The following DOCK2 variants were observed in gnomAD, a reference collection of about 807,000 sequenced individuals.
The protein encoded by DOCK2 is dedicator of cytokinesis 2, also known as dedicator of cytokinesis protein 2.
In DOCK2, 87 loss-of-function variants were observed where a neutral mutation model predicts 248.9. That is an observed-to-expected ratio of 0.35 (90% CI 0.29 to 0.42). The LOEUF (loss-of-function observed/expected upper bound fraction) is 0.42, where lower values mean the gene tolerates loss of function less well. Among genes scored for constraint, DOCK2 ranks in the 10% least tolerant of loss-of-function variants. The pLI is 1.00. For missense variants in DOCK2, 1,747 were observed against 2,300.2 expected, an observed-to-expected ratio of 0.76 and a Z score of 4.92; for synonymous variants, 805 against 821.6, an observed-to-expected ratio of 0.98 and a Z score of 0.35.
At chr5:169,970,157 T>C (rs933643944) in intron 27 of DOCK2, among the ~76,000 whole-genome samples, 1 of 152,226 alleles carries the variant, frequency 6.6e-6, no homozygotes, top group African/African-American at 2.4e-5. Context: ...ATCAATCGTT[T>C]GGTTTTTAAT....
rs570133730 is a variant in DOCK2 at position 170,060,312 on chromosome 5, T to C, written c.4467+2646T>C. On this transcript the variant is annotated intron_variant, in intron 44 of 51. Coordinates refer to ENST00000520908, the MANE Select transcript of DOCK2 (RefSeq NM_004946.3). ...AGTTTTAATCATCTGTAAATAGGAA[T>C]TGCAAAATGATGGAACTTTAGGGAG... 3.9e-5 allele frequency among the ~76,000 whole-genome samples: 6 copies of C among 152,272 alleles called. No homozygotes were observed. In the South Asian group the frequency reaches 1.0e-3, roughly 26 times the overall value.
chr5:169,888,967 T>A (rs1018078112), intron 27 of DOCK2, among the ~76,000 whole-genome samples: 3 of 152,212 alleles, frequency 2.0e-5, no homozygotes, highest in African/African-American at 7.2e-5. Flanking sequence ...TTTGTGTCTT[T>A]AGCATTGTGC....
chr5:169,835,319 A>G (rs1425072329), intron 26 of DOCK2, among the ~76,000 whole-genome samples: 2 of 148,126 alleles, frequency 1.4e-5, no homozygotes, highest in African/African-American at 5.0e-5. Flanking sequence ...CAATAGTGCA[A>G]TCTCGACTCA....
Position 169,761,516 on chromosome 5 carries a change from C to T in DOCK2, c.2448-3C>T. ...TACCAGCTCCTATTTTTCCTGCCCT[C>T]AGCCAACTCCTGTATGAGTTCTACA... On this transcript the variant is annotated splice_polypyrimidine_tract_variant and splice_region_variant and intron_variant, in intron 24 of 51. Coordinates refer to ENST00000520908, the MANE Select transcript of DOCK2 (RefSeq NM_004946.3). The T allele has an allele frequency of 6.2e-7, 1 of 1,613,392 alleles. No individual in the cohort carries two copies. The highest frequency in any genetic ancestry group is 8.5e-7 in the Non-Finnish European group (1 of 1,179,574).
chr5:170,021,078 A>G (rs1755705823), intron 33 of DOCK2, among the ~76,000 whole-genome samples: 1 of 152,230 alleles, frequency 6.6e-6, no homozygotes, highest in African/African-American at 2.4e-5. Flanking sequence ...TCACTGTGAG[A>G]GGTAGCATTA....
intron 26 of DOCK2, among the ~76,000 whole-genome samples, chr5:169,827,700 C>T (rs1244582370): frequency 6.6e-6 from 1 of 152,086 alleles, no homozygotes; most frequent in African/African-American, 2.4e-5. Context: ...ATGAGTTCTC[C>T]CTCGCCCAAA....
chr5:170,010,444 C>A (rs1183361507), intron 32 of DOCK2, among the ~76,000 whole-genome samples: 1 of 152,140 alleles, frequency 6.6e-6, no homozygotes, highest in Non-Finnish European at 1.5e-5. Flanking sequence ...CAGCCGGCAC[C>A]TGGCCTCAGG....
At chr5:169,677,128 T>A in intron 6 of DOCK2, among the ~76,000 whole-genome samples, 1 of 152,062 alleles carries the variant, frequency 6.6e-6, no homozygotes, top group Non-Finnish European at 1.5e-5. Context: ...GACTCTAAGG[T>A]TAAGGAAACA....
chr5:169,735,940 AGGGGGGAGAG>A (rs1171217074), intron 22 of DOCK2, among the ~76,000 whole-genome samples: 12 of 149,676 alleles, frequency 8.0e-5, no homozygotes, highest in Admixed American at 7.3e-4. Context: ...ATGGCAGAGC[AGGGGGGAGAG>A]GGAGAGAGAG....
At chr5:169,826,050 A>C (rs1332612740) in intron 26 of DOCK2, among the ~76,000 whole-genome samples, 1 of 152,022 alleles carries the variant, frequency 6.6e-6, no homozygotes, top group East Asian at 1.9e-4. Context: ...AAAGTAGTTT[A>C]GACAATGTTA....
chr5:169,698,039 A>G (rs1357054292), intron 10 of DOCK2, among the ~76,000 whole-genome samples: 1 of 152,224 alleles, frequency 6.6e-6, no homozygotes, highest in Non-Finnish European at 1.5e-5. Context: ...TAGACATTCA[A>G]TACATGCATG....
chr5:169,802,746 C>T (rs1767077142), intron 25 of DOCK2, among the ~76,000 whole-genome samples: 1 of 151,960 alleles, frequency 6.6e-6, no homozygotes. Context: ...AAATGAAATG[C>T]AAAGTTAAAA....
intron 26 of DOCK2, among the ~76,000 whole-genome samples, chr5:169,809,157 A>ATT (rs1226447013): frequency 3.9e-5 from 6 of 151,940 alleles, no homozygotes; most frequent in African/African-American, 1.5e-4. Context: ...CTCCCAGCTA[A>ATT]TTTTTGTATT....
At position 169,790,292 on chromosome 5, in the gene DOCK2, T is replaced by C. The variant is rs562129807; in HGVS notation, c.2555-12766T>C. Among the ~76,000 whole-genome samples the C allele has an allele frequency of 2.0e-5, 3 of 152,338 alleles. No individual in the cohort carries two copies. In the South Asian group the frequency reaches 6.2e-4, roughly 32 times the overall value. On this transcript the variant is annotated intron_variant, in intron 25 of 51. Coordinates refer to ENST00000520908, the MANE Select transcript of DOCK2 (RefSeq NM_004946.3). Reference sequence around the variant, plus strand: ...TGGCTTTTGTTCTTTTTGGTATTTGTAAGTTTTGTGATGGGGGCAATATAG... The same window carrying C: ...TGGCTTTTGTTCTTTTTGGTATTTGCAAGTTTTGTGATGGGGGCAATATAG...
chr5:169,658,569 T>G (rs1203373933), intron 2 of DOCK2, among the ~76,000 whole-genome samples: 2 of 152,022 alleles, frequency 1.3e-5, no homozygotes, highest in African/African-American at 4.8e-5. Context: ...ATATTTTATC[T>G]TTTTATCTCT....
intron 27 of DOCK2, among the ~76,000 whole-genome samples, chr5:169,921,615 T>C (rs1006975442): frequency 6.6e-6 from 1 of 152,228 alleles, no homozygotes; most frequent in Non-Finnish European, 1.5e-5. Flanking sequence ...TTAACTTTGT[T>C]TAACCCAGTG....
At chr5:169,970,347 ATT>A (rs1450561610) in intron 27 of DOCK2, among the ~76,000 whole-genome samples, 2 of 152,236 alleles carry the variant, frequency 1.3e-5, no homozygotes, top group Non-Finnish European at 2.9e-5. Flanking sequence ...AGAAGAATGT[ATT>A]TCTCAAATAT....
intron 27 of DOCK2, among the ~76,000 whole-genome samples, chr5:169,915,842 G>A (rs141417164): frequency 6.6e-6 from 1 of 152,288 alleles, no homozygotes; most frequent in East Asian, 1.9e-4. Flanking sequence ...ATGCAGGTGT[G>A]AGATTGATGA....
At chr5:169,974,727 C>T (rs1777651255) in intron 27 of DOCK2, among the ~76,000 whole-genome samples, 1 of 152,132 alleles carries the variant, frequency 6.6e-6, no homozygotes, top group East Asian at 1.9e-4. Flanking sequence ...CTGCACAGCC[C>T]TTCCTGAGAT....
Sources: gnomAD v4.1 joint callset for allele counts (sites outside exome capture counted in the v4.1 genomes callset) on GRCh38, gnomAD v4.1.1 for gene constraint, MANE v1.5 for transcripts, NCBI Gene and HGNC (gene_info 2026-07-23, HGNC 2026-07-21) for gene names.